The following WDR72 variants were observed in gnomAD, a reference collection of about 807,000 sequenced individuals.
WDR72 encodes the protein WD repeat-containing protein 72.
A neutral mutation model predicts 124.2 loss-of-function variants in WDR72; 120 were observed. The ratio of observed to expected loss-of-function variants is 0.97; its 90% CI spans 0.83 to 1.12. The LOEUF (loss-of-function observed/expected upper bound fraction) is 1.12. WDR72 is among the 50% of genes most tolerant of loss of function. The pLI is 0.00. For synonymous variants in WDR72, 452 were observed against 441.7 expected (o/e 1.02, Z -0.29); for missense variants, 1,387 against 1,278.8 (o/e 1.08, Z -1.29).
At position 53,732,902 on chromosome 15, in the gene WDR72, T is replaced by C. The variant is rs1006255249; in HGVS notation, c.153+95A>G. 2.6e-5 allele frequency: 38 copies of C among 1,449,898 alleles called. No homozygotes were observed. The South Asian group carries it at 4.1e-4, about 16-fold the overall frequency. 89.8% of individuals were successfully genotyped at this position (1,449,898 alleles called of 1,614,324 possible). Reference sequence around the variant, plus strand: ...ACTTTAATAAACATCTTTTTAACAATCATGCAAACCTTCCACTGTCATTGC... The same window carrying C: ...ACTTTAATAAACATCTTTTTAACAACCATGCAAACCTTCCACTGTCATTGC... On this transcript the variant is annotated intron_variant, in intron 2 of 19. Transcript: ENST00000360509.
At chr15:53,695,147 T>C (rs2016964398) in intron 13 of WDR72, among the ~76,000 whole-genome samples, 1 of 152,212 alleles carries the variant, frequency 6.6e-6, no homozygotes, top group South Asian at 2.1e-4. Flanking sequence ...AAGGTTTCAT[T>C]GTCCCACACA....
chr15:53,601,640 A>C (rs1430892752), intron 17 of WDR72, among the ~76,000 whole-genome samples: 1 of 152,200 alleles, frequency 6.6e-6, no homozygotes, highest in East Asian at 1.9e-4. Context: ...AAAGGGTTGG[A>C]GGAAAATCTA....
chr15:53,548,001 ATTGACCACTTGAATGACTTCTTTGTAC>A (rs1462173286), intron 18 of WDR72, among the ~76,000 whole-genome samples: 1 of 152,224 alleles, frequency 6.6e-6, no homozygotes, highest in Non-Finnish European at 1.5e-5. Flanking sequence ...CGTCTTTGTA[ATTGACCACTTGAATGACTTCTTTGTAC>A]TTGACCACTT....
intron 18 of WDR72, among the ~76,000 whole-genome samples, chr15:53,531,298 A>G (rs577466121): frequency 4.4e-5 from 6 of 136,146 alleles, no homozygotes; most frequent in Admixed American, 4.3e-4. Context: ...ATGATAACGC[A>G]ATCAGTAGTG....
chr15:53,576,916 GTTGT>G (rs994952447), intron 18 of WDR72, among the ~76,000 whole-genome samples: 1 of 152,150 alleles, frequency 6.6e-6, no homozygotes, highest in African/African-American at 2.4e-5. Context: ...AAATTTGGTG[GTTGT>G]TTGTTTGGTT....
rs544896419 is a variant in WDR72, at chr15:53,640,887, G to T, written c.1963-24644C>A. On this transcript the variant is annotated intron_variant, in intron 14 of 19. Transcript: ENST00000360509. Reference sequence around the variant, plus strand: ...ATTTGTGAGTCCCTTTATATATAAAGATATTAATACTTTATTGAATATTAC... The same window carrying T: ...ATTTGTGAGTCCCTTTATATATAAATATATTAATACTTTATTGAATATTAC... Among the ~76,000 whole-genome samples the T allele has an allele frequency of 2.7e-5, 4 of 150,324 alleles. No individual in the cohort carries two copies. In the South Asian group the frequency reaches 8.6e-4, roughly 32 times the overall value.
At chr15:53,624,078 CAT>C (rs1447681533) in intron 14 of WDR72, among the ~76,000 whole-genome samples, 1 of 152,058 alleles carries the variant, frequency 6.6e-6, no homozygotes, top group Admixed American at 6.6e-5. Flanking sequence ...GGCTATAAGA[CAT>C]TTGTTGGGTG....
At chr15:53,621,952 A>G (rs1243134867) in intron 14 of WDR72, among the ~76,000 whole-genome samples, 1 of 152,210 alleles carries the variant, frequency 6.6e-6, no homozygotes, top group Non-Finnish European at 1.5e-5. Flanking sequence ...CCCCATTAAA[A>G]TGTGGGCAAA....
intron 18 of WDR72, among the ~76,000 whole-genome samples, chr15:53,548,060 C>G (rs1893562619): frequency 6.6e-6 from 1 of 152,180 alleles, no homozygotes; most frequent in Non-Finnish European, 1.5e-5. Flanking sequence ...CCATATAAGT[C>G]TATGCTGAAT....
chr15:53,683,363 A>G (rs2016469024), intron 13 of WDR72, among the ~76,000 whole-genome samples: 1 of 152,168 alleles, frequency 6.6e-6, no homozygotes, highest in Admixed American at 6.5e-5. Flanking sequence ...ACACATAGAA[A>G]TGATAAATAC....
chr15:53,716,489 A>G (rs1170714378), intron 4 of WDR72, 118 bp downstream of exon 4: 2 of 794,032 alleles, frequency 2.5e-6, no homozygotes, highest in East Asian at 5.2e-5. Flanking sequence ...CCCTCATGAC[A>G]AAATAAAAAT....
Position 53,515,070 on chromosome 15 carries a change from CATATATATGTATGT to C in WDR72, c.*2615_*2628del, listed in dbSNP as rs1566934990. On this transcript the variant is annotated 3_prime_UTR_variant, in exon 20 of 20. Coordinates refer to ENST00000360509, the MANE Select transcript of WDR72 (RefSeq NM_182758.4). ...ATATATGTGTGTATATATATACACA[CATATATATGTATGT>C]ATACACACACACACACACACACAAA... The C allele has an allele frequency of 1.3e-5, 1 of 75,310 alleles. No homozygotes were observed. The highest frequency in any genetic ancestry group is 3.0e-5 in the Non-Finnish European group (1 of 32,808). The allele number at this position is 75,310 out of a possible 1,614,324, so 4.7% of individuals were successfully genotyped here.
chr15:53,720,486 G>T (rs2017847228), intron 3 of WDR72, among the ~76,000 whole-genome samples: 1 of 152,164 alleles, frequency 6.6e-6, no homozygotes, highest in South Asian at 2.1e-4. Context: ...ATATCATTTA[G>T]AAATGTGTTA....
At chr15:53,692,564 A>G (rs895296696) in intron 13 of WDR72, among the ~76,000 whole-genome samples, 2 of 152,148 alleles carry the variant, frequency 1.3e-5, no homozygotes, top group Non-Finnish European at 2.9e-5. Flanking sequence ...AGGCAAGCTG[A>G]CTCCCAGGGC....
At chr15:53,539,997 G>C (rs1440000500) in intron 18 of WDR72, among the ~76,000 whole-genome samples, 1 of 152,118 alleles carries the variant, frequency 6.6e-6, no homozygotes, top group Non-Finnish European at 1.5e-5. Flanking sequence ...TATTGAGCAT[G>C]GTGGAATGCA....
At chr15:53,666,897 G>T (rs2015798261) in intron 13 of WDR72, among the ~76,000 whole-genome samples, 1 of 152,128 alleles carries the variant, frequency 6.6e-6, no homozygotes, top group Non-Finnish European at 1.5e-5. Flanking sequence ...TGTGGATTCT[G>T]AATCAGTAAC....
intron 18 of WDR72, among the ~76,000 whole-genome samples, chr15:53,588,723 A>G (rs1032457516): frequency 6.7e-6 from 1 of 149,844 alleles, no homozygotes; most frequent in Admixed American, 6.7e-5. Context: ...TTTTCTCTAA[A>G]GGAATTTAGT....
intron 19 of WDR72, among the ~76,000 whole-genome samples, chr15:53,520,240 CTTT>C (rs746310467): frequency 2.0e-5 from 3 of 152,010 alleles, no homozygotes; most frequent in Non-Finnish European, 2.9e-5. Context: ...ATGGAAAATA[CTTT>C]TTTTCATTTT....
At chr15:53,743,528 T>A (rs2018563337) in intron 1 of WDR72, among the ~76,000 whole-genome samples, 1 of 152,216 alleles carries the variant, frequency 6.6e-6, no homozygotes, top group Admixed American at 6.5e-5. Context: ...TTTCAAATCG[T>A]TACTTGCGAA....
Sources: gnomAD v4.1 joint callset for allele counts (sites outside exome capture counted in the v4.1 genomes callset) on GRCh38, gnomAD v4.1.1 for gene constraint, MANE v1.5 for transcripts, NCBI Gene and HGNC (gene_info 2026-07-23, HGNC 2026-07-21) for gene names.